The following SLC26A7 variants were observed in gnomAD, a reference collection of about 807,000 sequenced individuals.
SLC26A7 encodes the protein anion exchange transporter.
Under a neutral mutation model 82.5 loss-of-function variants are expected in SLC26A7, and 59 were observed. That is an observed-to-expected ratio of 0.72 (90% CI 0.58 to 0.89). SLC26A7 has a LOEUF of 0.89. SLC26A7 is among the 40% of genes least tolerant of loss of function. SLC26A7 has a pLI of 0.00. For missense variants in SLC26A7, 820 were observed against 793.0 expected (o/e 1.03, Z -0.41); for synonymous variants, 271 against 274.3 (o/e 0.99, Z 0.12).
chr8:91,249,757 G>C lies in SLC26A7; in HGVS notation c.106G>C (p.Asp36His). ...QWCRRRLPIL[D>H]WAPHYNLKEN... ...GTGTAGAAGGCGACTGCCCATTTTG[G>C]ATTGGGCACCACATTACAATCTGAA... The change falls in exon 2 of 19, where the codon GAT (aspartate) becomes CAT (histidine). Residue 36 changes from aspartate (D) to histidine (H), a missense_variant. Physicochemically the swap from Asp to His is moderately conservative, Grantham distance 81 (BLOSUM62 -1). Coordinates refer to ENST00000276609, the MANE Select transcript of SLC26A7 (RefSeq NM_052832.4). The C allele has an allele frequency of 6.2e-7, 1 of 1,612,482 alleles. No individual in the cohort carries two copies. Among genetic ancestry groups the C allele is most frequent in the Non-Finnish European group, 8.5e-7 (1 of 1,179,130 alleles).
chr8:91,291,638 C>T (rs1028083795), intron 3 of SLC26A7, among the ~76,000 whole-genome samples: 1 of 152,080 alleles, frequency 6.6e-6, no homozygotes, highest in Non-Finnish European at 1.5e-5. Context: ...TACTTAAATA[C>T]GTACTTACAC....
In SLC26A7 at chr8:91,366,568, C is replaced by T. The variant is rs775174480; in HGVS notation, c.1489-12C>T. On this transcript the variant is annotated splice_polypyrimidine_tract_variant and intron_variant, in intron 13 of 18. Transcript: ENST00000276609. ...TATTTAGAGTTCTGAATCTGTTTTT[C>T]TCCTCCAAAAGGAAACCCTGCAGCA... 3.2e-5 allele frequency: 51 copies of T among 1,606,900 alleles called. 1 individual carries two copies. In the South Asian group the frequency reaches 4.8e-4, roughly 15 times the overall value.
In SLC26A7 at chr8:91,307,125, C is replaced by T. The variant is rs536905134; in HGVS notation, c.478-11091C>T. ...TACCATCTCACACCAGTTAGAATGG[C>T]GATCATTAAAAAGTCAGGAAACAAC... On this transcript the variant is annotated intron_variant, in intron 4 of 18. Transcript: ENST00000276609. Among the ~76,000 whole-genome samples the T allele has an allele frequency of 2.1e-3, 277 of 130,910 alleles. 1 individual carries two copies. Among genetic ancestry groups the T allele is most frequent in the Middle Eastern group, 7.2e-3 (2 of 276 alleles). The allele number at this position is 130,910 out of a possible 152,430, so 85.9% of individuals were successfully genotyped here.
Position 91,396,564 on chromosome 8 carries a change from A to G in SLC26A7, c.*1467A>G, listed in dbSNP as rs1343274914. ...GTAGGGCAATGTAGTAAAATGAAAG[A>G]GAATTAAGAAAGGTTTTGAATTCTT... On this transcript the variant is annotated 3_prime_UTR_variant, in exon 19 of 19. Transcript: ENST00000276609. 2 of 152,032 alleles carry G rather than the reference A, an allele frequency of 1.3e-5. No homozygotes were observed. The highest frequency in any genetic ancestry group is 2.9e-5 in the Non-Finnish European group (2 of 67,902). The allele number at this position is 152,032 out of a possible 1,614,324, so 9.4% of individuals were successfully genotyped here. A position where few individuals can be genotyped will look rare whatever the true frequency, so the allele number is the denominator to read the frequency against.
chr8:91,249,902 T>C (rs1300245252), intron 2 of SLC26A7, 58 bp downstream of exon 2: 4 of 1,339,244 alleles, frequency 3.0e-6, no homozygotes, highest in Middle Eastern at 1.9e-4. Context: ...CTTTGCTTCC[T>C]TGGAATAATA....
chr8:91,340,633 T>C (rs1329277808), intron 8 of SLC26A7, 82 bp downstream of exon 8: 2 of 1,555,240 alleles, frequency 1.3e-6, no homozygotes, highest in Non-Finnish European at 8.8e-7. Flanking sequence ...GATGAACTTA[T>C]GAAAAATAAA....
At chr8:91,299,349 A>G (rs1812099337) in intron 4 of SLC26A7, among the ~76,000 whole-genome samples, 1 of 151,892 alleles carries the variant, frequency 6.6e-6, no homozygotes, top group Admixed American at 6.6e-5. Flanking sequence ...ATTTTGAGTC[A>G]TTGTTAGCTT....
At chr8:91,380,629 G>A (rs988468979) in intron 15 of SLC26A7, among the ~76,000 whole-genome samples, 2 of 152,152 alleles carry the variant, frequency 1.3e-5, no homozygotes, top group Non-Finnish European at 2.9e-5. Context: ...GGTAACTTAT[G>A]ATGTCATGTT....
chr8:91,350,023 G>C (rs1234703297), intron 9 of SLC26A7, among the ~76,000 whole-genome samples: 1 of 152,074 alleles, frequency 6.6e-6, no homozygotes, highest in African/African-American at 2.4e-5. Flanking sequence ...GTGACAATTT[G>C]GTGTACTATA....
intron 2 of SLC26A7, among the ~76,000 whole-genome samples, chr8:91,232,257 T>G (rs1485402074): frequency 6.6e-6 from 1 of 152,194 alleles, no homozygotes; most frequent in African/African-American, 2.4e-5. Flanking sequence ...AACCAAAATA[T>G]GCTATTTTTA....
At chr8:91,366,308 C>T (rs1215771315) in intron 13 of SLC26A7, among the ~76,000 whole-genome samples, 1 of 152,124 alleles carries the variant, frequency 6.6e-6, no homozygotes, top group East Asian at 1.9e-4. Flanking sequence ...ATAGTCTAGG[C>T]TACTGCCTCC....
Position 91,337,580 on chromosome 8 carries a change from T to C in SLC26A7, c.796-570T>C, listed in dbSNP as rs1813278313. 2.0e-5 allele frequency among the ~76,000 whole-genome samples: 3 copies of C among 152,090 alleles called. 1 individual carries two copies. Among genetic ancestry groups the C allele is most frequent in the Admixed American group, 1.3e-4 (2 of 15,252 alleles). On this transcript the variant is annotated intron_variant, in intron 6 of 18. Coordinates refer to ENST00000276609, the MANE Select transcript of SLC26A7 (RefSeq NM_052832.4). ...GAAGGATAGGGTATCTGAAACTCCATAGGGGTCATTTTAAAAGCATTGAGC... is the reference window on the plus strand; with the variant it reads ...GAAGGATAGGGTATCTGAAACTCCACAGGGGTCATTTTAAAAGCATTGAGC...
At chr8:91,344,352 A>ATTTT in intron 9 of SLC26A7, 2 of 210,974 alleles carry the variant, frequency 9.5e-6, no homozygotes, top group South Asian at 1.7e-4. Context: ...CACAAGAAAA[A>ATTTT]TCATGTGTAT....
chr8:91,210,009 T>G (rs1809879089), intron 1 of SLC26A7, among the ~76,000 whole-genome samples: 1 of 152,194 alleles, frequency 6.6e-6, no homozygotes, highest in African/African-American at 2.4e-5. Flanking sequence ...CACAGACTAT[T>G]AAAATGTAAC....
intron 4 of SLC26A7, among the ~76,000 whole-genome samples, chr8:91,316,988 TAAAAAAAAAAAAAAAAAAAAAA>T (rs61581659): frequency 1.3e-4 from 2 of 15,500 alleles, no homozygotes; most frequent in Non-Finnish European, 2.9e-4. Context: ...ACCCTGTCTC[TAAAAAAAAAAAAAAAAAAAAAA>T]AAAAAAAAAA....
Position 91,254,011 on chromosome 8 carries a change from T to TA in SLC26A7, c.193+4174dup, listed in dbSNP as rs560242729. Among the ~76,000 whole-genome samples the TA allele has an allele frequency of 1.4e-3, 214 of 152,212 alleles. 2 individuals carry two copies. The highest frequency in any genetic ancestry group is 4.9e-3 in the African/African-American group (205 of 41,554). On this transcript the variant is annotated intron_variant, in intron 2 of 18. Transcript: ENST00000276609. ...ATAAATGTAATAAAGATACTGATAG[T>TA]AAAAAAATACATTAAAATACAAGTA... is the stretch of plus-strand genomic sequence containing the variant.
chr8:91,341,147 C>T (rs887430616), intron 8 of SLC26A7, among the ~76,000 whole-genome samples: 1 of 152,014 alleles, frequency 6.6e-6, no homozygotes, highest in African/African-American at 2.4e-5. Flanking sequence ...CTCCCCCCAC[C>T]CCACAACAGT....
chr8:91,280,547 T>C (rs763726322), intron 2 of SLC26A7, among the ~76,000 whole-genome samples: 1 of 152,170 alleles, frequency 6.6e-6, no homozygotes, highest in Non-Finnish European at 1.5e-5. Flanking sequence ...CAGGAAGCCC[T>C]CTTGCCAAGG....
chr8:91,346,063 AT>A (rs528722494), intron 9 of SLC26A7, among the ~76,000 whole-genome samples: 1 of 151,878 alleles, frequency 6.6e-6, no homozygotes, highest in African/African-American at 2.4e-5. Flanking sequence ...TTTAATAGGA[AT>A]TTTTTTTCTG....
Sources: gnomAD v4.1 joint callset for allele counts (sites outside exome capture counted in the v4.1 genomes callset) on GRCh38, gnomAD v4.1.1 for gene constraint, MANE v1.5 for transcripts, NCBI Gene and HGNC (gene_info 2026-07-23, HGNC 2026-07-21) for gene names.